Variants in ZFHX3 observed in about 807,000 individuals in gnomAD.
The protein encoded by ZFHX3 is zinc finger homeobox 3, also known as zinc finger homeobox protein 3.
Under a neutral mutation model 279.1 loss-of-function variants are expected in ZFHX3, and 42 were observed. The ratio of observed to expected loss-of-function variants is 0.15; its 90% CI spans 0.12 to 0.19. The LOEUF (loss-of-function observed/expected upper bound fraction) is 0.19, where lower values mean the gene tolerates loss of function less well. Among genes scored for constraint, ZFHX3 ranks in the 10% least tolerant of loss-of-function variants. The pLI, the probability that ZFHX3 is intolerant of heterozygous loss-of-function variation, is 1.00. For synonymous variants in ZFHX3, 2,293 were observed against 1,957.8 expected (o/e 1.17, Z -4.52); for missense variants, 4,981 against 4,754.0 (o/e 1.05, Z -1.40).
At chr16:73,669,905 G>A (rs1277068492) in intron 2 of ZFHX3, among the ~76,000 whole-genome samples, 1 of 152,138 alleles carries the variant, frequency 6.6e-6, no homozygotes, top group African/African-American at 2.4e-5. Context: ...CTTGAGCTAA[G>A]CTGTTGTACT....
intron 1 of ZFHX3, among the ~76,000 whole-genome samples, chr16:73,710,915 C>A (rs1337539078): frequency 6.6e-6 from 1 of 152,186 alleles, no homozygotes; most frequent in Non-Finnish European, 1.5e-5. Flanking sequence ...CCTCACTGAT[C>A]AATATTAACA....
At chr16:73,683,296 G>C (rs2053046071) in intron 1 of ZFHX3, among the ~76,000 whole-genome samples, 1 of 152,116 alleles carries the variant, frequency 6.6e-6, no homozygotes, top group Non-Finnish European at 1.5e-5. Flanking sequence ...AAGAGAGCAG[G>C]GTGTATGTGT....
At chr16:73,763,128 G>A (rs1051951704) in intron 1 of ZFHX3, among the ~76,000 whole-genome samples, 14 of 151,864 alleles carry the variant, frequency 9.2e-5, no homozygotes, top group Middle Eastern at 3.2e-3. Flanking sequence ...AAGATGTTAC[G>A]AAAACAAACT....
At chr16:73,579,542 C>A (rs934728869) in intron 2 of ZFHX3, among the ~76,000 whole-genome samples, 3 of 150,340 alleles carry the variant, frequency 2.0e-5, no homozygotes, top group African/African-American at 7.3e-5. Flanking sequence ...CACTCCGTCA[C>A]CCAGGCTGGA....
At position 72,798,519 on chromosome 16, in the gene ZFHX3, C is replaced by A; in HGVS notation, c.4163G>T (p.Arg1388Met). Residue 1388 changes from arginine to methionine, a missense_variant, in exon 9 of 10, where the codon AGG (arginine) becomes ATG (methionine). Arg to Met is a moderately conservative substitution (Grantham distance 91). Around this residue, in one of 7 missense-constraint regions of ZFHX3, gnomAD observed 1,751 missense variants for 1,770.0 expected, o/e 0.99. Transcript: ENST00000268489. ...QTHFNEVHAK[R>M]PQLPVSDRHV... Reference sequence around the variant, plus strand: ...GCGATCTGACACCGGCAGCTGAGGCCTCTTGGCATGCACTTCATTAAAATG... The same window carrying A: ...GCGATCTGACACCGGCAGCTGAGGCATCTTGGCATGCACTTCATTAAAATG... 1 of 1,614,190 alleles carries A rather than the reference C, an allele frequency of 6.2e-7. No individual in the cohort carries two copies. Among genetic ancestry groups the A allele is most frequent in the Non-Finnish European group, 8.5e-7 (1 of 1,180,034 alleles).
intron 1 of ZFHX3, among the ~76,000 whole-genome samples, chr16:73,774,872 G>C (rs979614664): frequency 6.6e-6 from 1 of 152,134 alleles, no homozygotes; most frequent in Non-Finnish European, 1.5e-5. Flanking sequence ...TGCATGAATT[G>C]CTCCTAATCA....
intron 4 of ZFHX3, among the ~76,000 whole-genome samples, chr16:72,864,549 T>C (rs1193122294): frequency 6.6e-6 from 1 of 152,172 alleles, no homozygotes; most frequent in African/African-American, 2.4e-5. Flanking sequence ...CAACAGACTG[T>C]CATGTATCGA....
intron 7 of ZFHX3, among the ~76,000 whole-genome samples, chr16:72,806,512 C>T (rs2036272539): frequency 6.6e-6 from 1 of 152,160 alleles, no homozygotes; most frequent in Non-Finnish European, 1.5e-5. Context: ...TATCATCTCA[C>T]AGGGCTTGGA....
At position 72,797,096 on chromosome 16, in the gene ZFHX3, C is replaced by T. The variant is rs138939024; in HGVS notation, c.5586G>A (p.Gln1862=). The T allele has an allele frequency of 5.0e-6, 8 of 1,613,788 alleles. No individual in the cohort carries two copies. In the African/African-American group the frequency reaches 8.0e-5, roughly 16 times the overall value. The change falls in exon 9 of 10, where the codon CAG becomes CAA. Residue 1862 remains glutamine, a synonymous_variant. Transcript: ENST00000268489. ...TTGGCTGAAGGAGGGCAGAGTGACT[C>T]TGGGCTATAGAGAGTTGGTTCTGCT... The part of the protein sequence containing the change: ...QQQQNQLSIA[Q]SHSALLQPSQ...
At chr16:72,850,886 C>T (rs1393599163) in intron 4 of ZFHX3, among the ~76,000 whole-genome samples, 1 of 151,854 alleles carries the variant, frequency 6.6e-6, no homozygotes, top group Non-Finnish European at 1.5e-5. Flanking sequence ...GAACATTTGA[C>T]TCAAGGGGAG....
intron 3 of ZFHX3, among the ~76,000 whole-genome samples, chr16:73,444,955 TAAAAAAAA>T (rs56235953): frequency 4.4e-5 from 3 of 68,454 alleles, no homozygotes; most frequent in African/African-American, 5.5e-5. Flanking sequence ...CCATCTATAC[TAAAAAAAA>T]AAAAAAAAAA....
At chr16:73,853,100 T>C (rs975613675) in intron 1 of ZFHX3, among the ~76,000 whole-genome samples, 1 of 152,168 alleles carries the variant, frequency 6.6e-6, no homozygotes, top group African/African-American at 2.4e-5. Context: ...AATCATCAGA[T>C]AAATGCAAAT....
rs1186850089 is a variant in ZFHX3 at position 73,342,408 on chromosome 16, T to C, written c.-1290-24072A>G. On this transcript the variant is annotated intron_variant, in intron 3 of 17. Coordinates refer to the ZFHX3 transcript ENST00000641206. Reference sequence around the variant, plus strand: ...TGAAGCATGGTTCACAATGGAGATATTGGAAACAATCTCAATGGCCACGAA... The same window carrying C: ...TGAAGCATGGTTCACAATGGAGATACTGGAAACAATCTCAATGGCCACGAA... 2.6e-5 allele frequency among the ~76,000 whole-genome samples: 4 copies of C among 152,174 alleles called. No homozygotes were observed. The East Asian group carries it at 5.8e-4, about 22-fold the overall frequency.
At chr16:72,825,650 A>G (rs572084961) in intron 5 of ZFHX3, among the ~76,000 whole-genome samples, 6 of 152,372 alleles carry the variant, frequency 3.9e-5, no homozygotes, top group African/African-American at 1.4e-4. Context: ...GTGAAGCTCT[A>G]GAATGGTGCC....
chr16:73,252,660 C>T (rs1348217669), intron 5 of ZFHX3, among the ~76,000 whole-genome samples: 3 of 151,918 alleles, frequency 2.0e-5, no homozygotes, highest in Non-Finnish European at 2.9e-5. Flanking sequence ...GCTGAGTGTT[C>T]GGTGAGAAAG....
At chr16:73,362,763 C>T (rs1030095403) in intron 3 of ZFHX3, among the ~76,000 whole-genome samples, 1 of 152,204 alleles carries the variant, frequency 6.6e-6, no homozygotes, top group African/African-American at 2.4e-5. Flanking sequence ...TGAATAATAA[C>T]ATCACTCTAA....
intron 8 of ZFHX3, among the ~76,000 whole-genome samples, chr16:73,068,646 C>CTTTGTAAATTT (rs1965785449): frequency 6.6e-6 from 1 of 152,170 alleles, no homozygotes; most frequent in African/African-American, 2.4e-5. Flanking sequence ...GTGTCTGAAG[C>CTTTGTAAATTT]TCAGACAAGT....
At chr16:72,802,092 C>T (rs2036120087) in intron 7 of ZFHX3, among the ~76,000 whole-genome samples, 2 of 152,038 alleles carry the variant, frequency 1.3e-5, no homozygotes, top group South Asian at 4.2e-4. Context: ...TTATAGAAAA[C>T]TGTGGGCTTT....
chr16:73,325,100 T>C (rs932033490), intron 3 of ZFHX3, among the ~76,000 whole-genome samples: 15 of 152,098 alleles, frequency 9.9e-5, no homozygotes, highest in African/African-American at 3.6e-4. Flanking sequence ...AAGTAGAGAA[T>C]GGATGATAGG....
Sources: allele counts gnomAD v4.1 joint callset (sites outside exome capture counted in the v4.1 genomes callset), GRCh38; gene constraint gnomAD v4.1.1; regional missense constraint gnomAD v4.1.1; transcripts MANE v1.5; gene names NCBI Gene and HGNC (gene_info 2026-07-23, HGNC 2026-07-21).